Variants in TDRD3 observed in about 807,000 individuals in gnomAD.
TDRD3 encodes the protein tudor domain containing 3.
TDRD3 carries 45 observed loss-of-function variants against 86.7 expected under a neutral mutation model. The observed-to-expected ratio is 0.52, with a 90% confidence interval of 0.41 to 0.67. The LOEUF is 0.67. Among genes scored for constraint, TDRD3 ranks in the 30% least tolerant of loss-of-function variants. The pLI is 0.00. For missense variants in TDRD3, 814 were observed against 889.0 expected (o/e 0.92, Z 1.07); for synonymous variants, 298 against 301.7 (o/e 0.99, Z 0.13).
At chr13:60,478,801 CTTTTTTTTTTT>C (rs202146264) in intron 5 of TDRD3, among the ~76,000 whole-genome samples, 1 of 104,448 alleles carries the variant, frequency 9.6e-6, no homozygotes, top group Admixed American at 1.0e-4. Flanking sequence ...AATTTGAGGA[CTTTTTTTTTTT>C]TTTTTTTTTG....
At chr13:60,508,858 C>CA in intron 8 of TDRD3, among the ~76,000 whole-genome samples, 1 of 152,106 alleles carries the variant, frequency 6.6e-6, no homozygotes, top group African/African-American at 2.4e-5. Context: ...GTCCACTTCC[C>CA]AACAAAAAAT....
intron 1 of TDRD3, among the ~76,000 whole-genome samples, chr13:60,422,845 C>T (rs930882713): frequency 3.3e-5 from 5 of 151,588 alleles, no homozygotes; most frequent in African/African-American, 1.2e-4. Flanking sequence ...TATTTGAGTC[C>T]CTAAGGGGAA....
Position 60,522,720 on chromosome 13 carries a change from G to A in TDRD3, c.1142-5647G>A, listed in dbSNP as rs182624408. On this transcript the variant is annotated intron_variant, in intron 10 of 13. Coordinates refer to ENST00000377881, the MANE Select transcript of TDRD3 (RefSeq NM_001146070.2). ...AGGTTTTTCTGCGTTAATAGAAAGAGATTATTAATTTTAGGTCAGGATTCT... is the reference window on the plus strand; with the variant it reads ...AGGTTTTTCTGCGTTAATAGAAAGAAATTATTAATTTTAGGTCAGGATTCT... Among the ~76,000 whole-genome samples the A allele has an allele frequency of 6.6e-5, 10 of 152,302 alleles. No individual in the cohort carries two copies. In the East Asian group the frequency reaches 1.5e-3, roughly 23 times the overall value.
At chr13:60,548,966 C>G (rs922160749) in intron 12 of TDRD3, among the ~76,000 whole-genome samples, 1 of 152,016 alleles carries the variant, frequency 6.6e-6, no homozygotes, top group African/African-American at 2.4e-5. Context: ...AGTGAAAAAC[C>G]AGAAGCTACT....
In TDRD3 at chr13:60,567,584, A is replaced by C. The variant is rs778333389; in HGVS notation, c.2178A>C (p.Pro726=). Residue 726 remains proline (P), a synonymous_variant, in exon 13 of 14, where the codon CCA becomes CCC. Transcript: ENST00000377881. ...LEFRRGGDGQ[P]RRSTRPTQQF... is the part of the protein sequence containing the mutation. ...TCCGTAGGGGAGGTGATGGCCAGCCAAGACGATCCACTCGGCCAACCCAAC... is the reference window on the plus strand; with the variant it reads ...TCCGTAGGGGAGGTGATGGCCAGCCCAGACGATCCACTCGGCCAACCCAAC... The C allele has an allele frequency of 6.2e-7, 1 of 1,614,166 alleles. No individual in the cohort carries two copies. Among genetic ancestry groups the C allele is most frequent in the Non-Finnish European group, 8.5e-7 (1 of 1,180,036 alleles).
At chr13:60,449,736 G>A (rs1955491975) in intron 3 of TDRD3, among the ~76,000 whole-genome samples, 1 of 151,964 alleles carries the variant, frequency 6.6e-6, no homozygotes, top group Non-Finnish European at 1.5e-5. Flanking sequence ...TTCCTAAGGG[G>A]TAGATCTTCT....
At chr13:60,562,169 T>G (rs1015953730) in intron 12 of TDRD3, among the ~76,000 whole-genome samples, 8 of 151,914 alleles carry the variant, frequency 5.3e-5, no homozygotes, top group Non-Finnish European at 1.2e-4. Flanking sequence ...AAAAATTATC[T>G]GGGTTTGGTG....
chr13:60,492,351 G>A (rs538218870), intron 7 of TDRD3, among the ~76,000 whole-genome samples: 1 of 152,308 alleles, frequency 6.6e-6, no homozygotes, highest in African/African-American at 2.4e-5. Flanking sequence ...AATACCATCT[G>A]TTATTGAGTG....
intron 8 of TDRD3, among the ~76,000 whole-genome samples, chr13:60,496,076 C>T (rs1407001016): frequency 1.3e-5 from 2 of 151,626 alleles, no homozygotes; most frequent in Non-Finnish European, 2.9e-5. Flanking sequence ...AGTCACCTGC[C>T]AGTATGGCTA....
chr13:60,505,805 A>T (rs1956924417), intron 8 of TDRD3, among the ~76,000 whole-genome samples: 1 of 152,216 alleles, frequency 6.6e-6, no homozygotes, highest in Non-Finnish European at 1.5e-5. Context: ...AACTTAATGA[A>T]ATAAAGTGGA....
At chr13:60,519,764 C>T (rs1436950893) in intron 10 of TDRD3, among the ~76,000 whole-genome samples, 2 of 152,158 alleles carry the variant, frequency 1.3e-5, no homozygotes, top group Admixed American at 6.5e-5. Context: ...GCCTCTTTAG[C>T]TTCCTTATCT....
chr13:60,478,749 T>C (rs916860156), intron 5 of TDRD3, among the ~76,000 whole-genome samples: 1 of 152,042 alleles, frequency 6.6e-6, no homozygotes, highest in Non-Finnish European at 1.5e-5. Context: ...GGTTAGTTTG[T>C]TCTTTTTATT....
intron 2 of TDRD3, among the ~76,000 whole-genome samples, chr13:60,442,209 G>GA (rs1241868458): frequency 5.6e-4 from 85 of 152,216 alleles, no homozygotes; most frequent in African/African-American, 2.0e-3. Context: ...GAATTATTCA[G>GA]AAAAATATTT....
intron 8 of TDRD3, among the ~76,000 whole-genome samples, chr13:60,508,146 A>G (rs1956978198): frequency 6.6e-6 from 1 of 152,214 alleles, no homozygotes; most frequent in African/African-American, 2.4e-5. Flanking sequence ...AAAATATTCC[A>G]TGCTCACGGA....
At chr13:60,399,105 G>A (rs1046757020) in intron 1 of TDRD3, among the ~76,000 whole-genome samples, 1 of 152,140 alleles carries the variant, frequency 6.6e-6, no homozygotes, top group Admixed American at 6.5e-5. Context: ...TCCAGGGCAG[G>A]GAAGTGAGTC....
intron 1 of TDRD3, among the ~76,000 whole-genome samples, chr13:60,412,165 A>G (rs1395577828): frequency 6.6e-6 from 1 of 152,224 alleles, no homozygotes; most frequent in African/African-American, 2.4e-5. Context: ...GTTTCTGTAC[A>G]TATCCAATCA....
chr13:60,481,781 C>T (rs1280516444), intron 5 of TDRD3, among the ~76,000 whole-genome samples: 1 of 152,028 alleles, frequency 6.6e-6, no homozygotes, highest in Admixed American at 6.6e-5. Flanking sequence ...CTTGACATGC[C>T]TTGTAGTTTT....
intron 1 of TDRD3, among the ~76,000 whole-genome samples, chr13:60,405,708 C>G (rs1190394799): frequency 3.3e-5 from 5 of 152,032 alleles, no homozygotes; most frequent in Non-Finnish European, 7.4e-5. Flanking sequence ...TAGCTTGGAC[C>G]TTGTTGGCCA....
intron 10 of TDRD3, among the ~76,000 whole-genome samples, chr13:60,524,428 A>T (rs1363854300): frequency 6.6e-6 from 1 of 151,182 alleles, no homozygotes; most frequent in African/African-American, 2.4e-5. Flanking sequence ...AATCACTTGA[A>T]CCCGGGAGGC....
Sources: gnomAD v4.1 joint callset for allele counts (sites outside exome capture counted in the v4.1 genomes callset) on GRCh38, gnomAD v4.1.1 for gene constraint, MANE v1.5 for transcripts, NCBI Gene and HGNC (gene_info 2026-07-23, HGNC 2026-07-21) for gene names.